FHIT: variants seen among roughly 807,000 people sequenced by gnomAD.
FHIT encodes the protein bis(5'-adenosyl)-triphosphatase.
In FHIT, 19 loss-of-function variants were observed where a neutral mutation model predicts 17.9. That is an observed-to-expected ratio of 1.06 (90% CI 0.74 to 1.56). The LOEUF (loss-of-function observed/expected upper bound fraction) is 1.56, where lower values mean the gene tolerates loss of function less well. Among genes scored for constraint, FHIT ranks in the 40% most tolerant of loss-of-function variants. The pLI, the probability that FHIT is intolerant of heterozygous loss-of-function variation, is 0.00. For missense variants in FHIT, 248 were observed against 189.2 expected (o/e 1.31, Z -1.82); for synonymous variants, 81 against 69.7 (o/e 1.16, Z -0.81).
rs1045774056 is a variant in FHIT, at chr3:60,884,181, T to G, written c.-110-62170A>C. On this transcript the variant is annotated intron_variant, in intron 3 of 9. Transcript: ENST00000492590. ...CAGTGAGATACCATCTCACCACAGT[T>G]ATAATGGCTACTATGAAAAAGACAA... Among the ~76,000 whole-genome samples the G allele has an allele frequency of 2.6e-5, 4 of 152,264 alleles. No homozygotes were observed. In the East Asian group the frequency reaches 5.8e-4, roughly 22 times the overall value.
intron 1 of FHIT, among the ~76,000 whole-genome samples, chr3:61,207,031 G>A (rs1384384869): frequency 6.6e-6 from 1 of 152,184 alleles, no homozygotes; most frequent in Non-Finnish European, 1.5e-5. Context: ...AGCATGAAGA[G>A]TTGTTGAATT....
intron 5 of FHIT, among the ~76,000 whole-genome samples, chr3:60,520,756 T>C (rs1488614581): frequency 1.3e-5 from 2 of 152,232 alleles, no homozygotes; most frequent in East Asian, 3.9e-4. Context: ...GTAACTCCCA[T>C]TATGGTTAAT....
chr3:61,187,235 T>C (rs1220537875), intron 2 of FHIT, among the ~76,000 whole-genome samples: 2 of 152,102 alleles, frequency 1.3e-5, no homozygotes, highest in East Asian at 1.9e-4. Flanking sequence ...GAACTAATGA[T>C]TCAAAAAGGA....
At chr3:60,026,781 C>T (rs886919425) in intron 5 of FHIT, among the ~76,000 whole-genome samples, 4 of 152,048 alleles carry the variant, frequency 2.6e-5, no homozygotes, top group Admixed American at 2.6e-4. Flanking sequence ...GCACAGAACA[C>T]TATATGGTTT....
intron 4 of FHIT, among the ~76,000 whole-genome samples, chr3:60,564,885 ACT>A (rs1401909471): frequency 2.6e-5 from 4 of 152,150 alleles, no homozygotes; most frequent in Non-Finnish European, 5.9e-5. Flanking sequence ...AAGACGATTA[ACT>A]CTAATTTTAA....
At chr3:60,382,993 G>T (rs970384953) in intron 5 of FHIT, among the ~76,000 whole-genome samples, 2 of 152,120 alleles carry the variant, frequency 1.3e-5, no homozygotes, top group African/African-American at 4.8e-5. Context: ...ACAAGCATCT[G>T]TATTAATACT....
intron 7 of FHIT, among the ~76,000 whole-genome samples, chr3:59,963,270 A>AAATAATAAT (rs200969859): frequency 8.8e-4 from 132 of 150,426 alleles, no homozygotes; most frequent in African/African-American, 2.6e-3. Flanking sequence ...CCATCTCAAA[A>AAATAATAAT]AATAATAATA....
At chr3:59,942,164 C>T (rs1706553575) in intron 7 of FHIT, among the ~76,000 whole-genome samples, 1 of 152,196 alleles carries the variant, frequency 6.6e-6, no homozygotes, top group Non-Finnish European at 1.5e-5. Flanking sequence ...CACTTGGTTT[C>T]TCTGACCTTT....
At chr3:59,790,957 T>C (rs950282859) in intron 8 of FHIT, among the ~76,000 whole-genome samples, 2 of 152,350 alleles carry the variant, frequency 1.3e-5, no homozygotes, top group Non-Finnish European at 2.9e-5. Context: ...TGTACTATTG[T>C]TGAACTTCTA....
intron 1 of FHIT, among the ~76,000 whole-genome samples, chr3:61,219,327 A>ATGTGTGTG (rs72023729): frequency 0.012 from 1,731 of 146,978 alleles, 17 homozygotes; most frequent in Middle Eastern, 0.025. Context: ...AAATCTAAAA[A>ATGTGTGTG]TGTGTGTGTG....
intron 3 of FHIT, among the ~76,000 whole-genome samples, chr3:60,920,824 C>T (rs782614825): frequency 1.7e-4 from 26 of 152,010 alleles, no homozygotes; most frequent in Non-Finnish European, 2.8e-4. Context: ...ATCCCATGAT[C>T]GGATTATCAT....
intron 4 of FHIT, among the ~76,000 whole-genome samples, chr3:60,702,547 T>C (rs1228424913): frequency 6.6e-6 from 1 of 152,040 alleles, no homozygotes; most frequent in Non-Finnish European, 1.5e-5. Context: ...TCTAGATAAC[T>C]AGTTATTGAA....
intron 5 of FHIT, among the ~76,000 whole-genome samples, chr3:60,200,970 A>C (rs1290999466): frequency 6.6e-6 from 1 of 152,158 alleles, no homozygotes; most frequent in Non-Finnish European, 1.5e-5. Flanking sequence ...CAGACAAGCA[A>C]CAAAAATAAA....
At chr3:60,200,322 A>G (rs1702839846) in intron 5 of FHIT, among the ~76,000 whole-genome samples, 1 of 152,100 alleles carries the variant, frequency 6.6e-6, no homozygotes, top group Non-Finnish European at 1.5e-5. Context: ...CAGCCATCTA[A>G]TGAGCTAAAT....
chr3:61,224,425 T>TATTTC, intron 1 of FHIT, among the ~76,000 whole-genome samples: 1 of 152,228 alleles, frequency 6.6e-6, no homozygotes, highest in East Asian at 1.9e-4. Context: ...TATTTTATTT[T>TATTTC]ATTTTATTGA....
At position 60,652,603 on chromosome 3, in the gene FHIT, C is replaced by T. The variant is rs1165569191; in HGVS notation, c.-17-115624G>A. On this transcript the variant is annotated intron_variant, in intron 4 of 9. Coordinates refer to ENST00000492590, the MANE Select transcript of FHIT (RefSeq NM_002012.4). ...AATTAGTCAGGTGTGGTGGCAGGCA[C>T]CTGTAGTCTCAGCTACTTGGGAGGC... Among the ~76,000 whole-genome samples the T allele has an allele frequency of 2.6e-5, 4 of 152,032 alleles. No homozygotes were observed. The East Asian group carries it at 5.8e-4, about 22-fold the overall frequency.
At chr3:60,390,987 C>A (rs374073730) in intron 5 of FHIT, among the ~76,000 whole-genome samples, 1 of 152,192 alleles carries the variant, frequency 6.6e-6, no homozygotes, top group African/African-American at 2.4e-5. Context: ...TGAGACCAGC[C>A]TGGCCAACAT....
At chr3:60,254,300 G>A (rs924621494) in intron 5 of FHIT, among the ~76,000 whole-genome samples, 4 of 152,010 alleles carry the variant, frequency 2.6e-5, no homozygotes, top group Non-Finnish European at 5.9e-5. Flanking sequence ...AACTACAACC[G>A]GAAAAACAGG....
At chr3:60,026,544 T>G (rs933196730) in intron 5 of FHIT, among the ~76,000 whole-genome samples, 1 of 152,306 alleles carries the variant, frequency 6.6e-6, no homozygotes, top group East Asian at 1.9e-4. Context: ...TTCCCCCTCA[T>G]AATGTAAGCA....
Sources: gnomAD v4.1 joint callset for allele counts (sites outside exome capture counted in the v4.1 genomes callset) on GRCh38, gnomAD v4.1.1 for gene constraint, MANE v1.5 for transcripts, NCBI Gene and HGNC (gene_info 2026-07-23, HGNC 2026-07-21) for gene names.